The following HGSNAT variants were observed in gnomAD, a reference collection of about 807,000 sequenced individuals.
HGSNAT encodes the protein transmembrane protein 76.
A neutral mutation model predicts 85.2 loss-of-function variants in HGSNAT; 59 were observed. The ratio of observed to expected loss-of-function variants is 0.69; its 90% CI spans 0.56 to 0.86. HGSNAT has a LOEUF of 0.86. Ranked by LOEUF, HGSNAT falls within the 40% of genes least tolerant of loss-of-function variation. HGSNAT has a pLI of 0.00. For synonymous variants in HGSNAT, 321 were observed against 304.5 expected (o/e 1.05, Z -0.56); for missense variants, 756 against 777.1 (o/e 0.97, Z 0.32).
intron 2 of HGSNAT, among the ~76,000 whole-genome samples, chr8:43,155,803 A>G (rs1803073934): frequency 6.6e-6 from 1 of 151,874 alleles, no homozygotes; most frequent in African/African-American, 2.4e-5. Context: ...TCCCAGCACT[A>G]TTTATTGAAG....
intron 2 of HGSNAT, among the ~76,000 whole-genome samples, chr8:43,157,380 A>T (rs1431800615): frequency 1.3e-5 from 2 of 152,200 alleles, no homozygotes; most frequent in Non-Finnish European, 2.9e-5. Context: ...TGATTTATTT[A>T]ACTAATATTT....
In HGSNAT at chr8:43,200,162, CCT is replaced by C. The variant is rs1300625575; in HGVS notation, c.*599_*600del. On this transcript the variant is annotated 3_prime_UTR_variant, in exon 18 of 18. Transcript: ENST00000379644. ...CTATCACAAGCCATTTTTTCCTTTT[CCT>C]CTCTCGAAAAGTTAAAATATCTATG... is the stretch of plus-strand genomic sequence containing the variant. The C allele has an allele frequency of 5.9e-5, 9 of 152,122 alleles. No individual in the cohort carries two copies. The highest frequency in any genetic ancestry group is 2.2e-4 in the African/African-American group (9 of 41,432). 9.4% of individuals were successfully genotyped at this position (152,122 alleles called of 1,614,324 possible).
chr8:43,179,482 C>T (rs1265813829), intron 10 of HGSNAT, among the ~76,000 whole-genome samples: 103 of 111,004 alleles, frequency 9.3e-4, no homozygotes, highest in Middle Eastern at 7.2e-3. Context: ...GGCGGCCGGC[C>T]GGAAGGGGGG....
At chr8:43,145,297 G>C (rs1047435260) in intron 1 of HGSNAT, among the ~76,000 whole-genome samples, 2 of 152,200 alleles carry the variant, frequency 1.3e-5, no homozygotes, top group Middle Eastern at 3.4e-3. Context: ...AGATCCTCAT[G>C]ATGGCCAAAA....
intron 1 of HGSNAT, among the ~76,000 whole-genome samples, chr8:43,145,786 C>T (rs554889454): frequency 3.9e-5 from 6 of 151,918 alleles, no homozygotes; most frequent in Non-Finnish European, 5.9e-5. Context: ...GAGCTGGCTA[C>T]GTGAAGAATT....
chr8:43,190,433 T>A (rs1207590468), intron 11 of HGSNAT, among the ~76,000 whole-genome samples: 1 of 152,206 alleles, frequency 6.6e-6, no homozygotes, highest in African/African-American at 2.4e-5. Flanking sequence ...TTTTAGTCAT[T>A]GTTACTCTTT....
chr8:43,169,324 C>T (rs1563367006), intron 6 of HGSNAT, 82 bp downstream of exon 6: 3 of 927,090 alleles, frequency 3.2e-6, no homozygotes, highest in African/African-American at 3.3e-5. Context: ...TCATTATTGT[C>T]CAGTTTTATG....
chr8:43,158,893 A>T (rs1159927678), intron 3 of HGSNAT, 30 bp from the exon 4 acceptor site: 1 of 1,589,852 alleles, frequency 6.3e-7, no homozygotes, highest in Non-Finnish European at 8.6e-7. Flanking sequence ...TAATCTAACC[A>T]CTTGTCTTAA....
Position 43,170,573 on chromosome 8 carries a change from T to C in HGSNAT, c.634-12T>C. 1 of 1,587,332 alleles carries C rather than the reference T, an allele frequency of 6.3e-7. No individual in the cohort carries two copies. Among genetic ancestry groups the C allele is most frequent in the Non-Finnish European group, 8.6e-7 (1 of 1,164,194 alleles). ...ATTATGAGTTGTCATCTTTCTCCCT[T>C]TTTTTCTGAAGGAGCTGGGATCTCC... On this transcript the variant is annotated splice_polypyrimidine_tract_variant and intron_variant, in intron 6 of 17. Transcript: ENST00000379644.
intron 11 of HGSNAT, among the ~76,000 whole-genome samples, chr8:43,190,316 C>T (rs773740657): frequency 1.3e-5 from 2 of 152,156 alleles, no homozygotes; most frequent in Non-Finnish European, 2.9e-5. Flanking sequence ...TTAATAAAGC[C>T]GTGTTGTCTT....
chr8:43,185,165 T>G (rs893219957), intron 11 of HGSNAT, among the ~76,000 whole-genome samples: 1 of 152,254 alleles, frequency 6.6e-6, no homozygotes, highest in African/African-American at 2.4e-5. Flanking sequence ...TTTTTCCAAT[T>G]CTGTGAAGAA....
chr8:43,191,423 C>T, intron 11 of HGSNAT, 51 bp from the exon 12 acceptor site: 1 of 1,595,980 alleles, frequency 6.3e-7, no homozygotes, highest in Non-Finnish European at 8.6e-7. Flanking sequence ...GCTTAGTTCC[C>T]TTCTATTTGC....
At chr8:43,151,176 A>G (rs1405869007) in intron 2 of HGSNAT, among the ~76,000 whole-genome samples, 1 of 152,242 alleles carries the variant, frequency 6.6e-6, no homozygotes, top group Non-Finnish European at 1.5e-5. Flanking sequence ...TACTCTTACC[A>G]GGGCAAACAT....
At position 43,146,418 on chromosome 8, in the gene HGSNAT, C is replaced by T. The variant is rs1243668591; in HGVS notation, c.119-530C>T. Among the ~76,000 whole-genome samples the T allele has an allele frequency of 2.6e-5, 4 of 152,092 alleles. 1 individual carries two copies. Among genetic ancestry groups the T allele is most frequent in the Non-Finnish European group, 5.9e-5 (4 of 68,006 alleles). On this transcript the variant is annotated intron_variant, in intron 1 of 17. Transcript: ENST00000379644. Reference sequence around the variant, plus strand: ...CCTGGCTACAATCGCAGCTCAGTAACGTGGTAGGGGAGAAAGCTTGAACTT... The same window carrying T: ...CCTGGCTACAATCGCAGCTCAGTAATGTGGTAGGGGAGAAAGCTTGAACTT...
intron 17 of HGSNAT, among the ~76,000 whole-genome samples, chr8:43,198,179 G>A (rs1023478281): frequency 6.6e-6 from 1 of 152,048 alleles, no homozygotes; most frequent in Non-Finnish European, 1.5e-5. Flanking sequence ...GTAGGTTGTG[G>A]AGTCGTTGTA....
intron 5 of HGSNAT, among the ~76,000 whole-genome samples, chr8:43,166,322 A>G (rs940966934): frequency 2.6e-5 from 4 of 152,356 alleles, no homozygotes; most frequent in African/African-American, 9.6e-5. Flanking sequence ...AGAAGATGCC[A>G]TCTAAGACTT....
At chr8:43,146,305 C>G (rs1259890999) in intron 1 of HGSNAT, among the ~76,000 whole-genome samples, 5 of 152,182 alleles carry the variant, frequency 3.3e-5, no homozygotes, top group Non-Finnish European at 5.9e-5. Context: ...GAAAGCAGCA[C>G]TTCTCAAACT....
At chr8:43,155,421 A>C (rs935764980) in intron 2 of HGSNAT, among the ~76,000 whole-genome samples, 11 of 152,096 alleles carry the variant, frequency 7.2e-5, no homozygotes, top group African/African-American at 2.7e-4. Context: ...TCTTTTGAGA[A>C]ATACCTATTT....
intron 2 of HGSNAT, among the ~76,000 whole-genome samples, chr8:43,156,789 T>C (rs1221362970): frequency 6.6e-6 from 1 of 152,190 alleles, no homozygotes; most frequent in Non-Finnish European, 1.5e-5. Flanking sequence ...TTTCTCTTTT[T>C]ACAGTTTTTG....
Sources: gnomAD v4.1 joint callset for allele counts (sites outside exome capture counted in the v4.1 genomes callset) on GRCh38, gnomAD v4.1.1 for gene constraint, MANE v1.5 for transcripts, NCBI Gene and HGNC (gene_info 2026-07-23, HGNC 2026-07-21) for gene names.